The following FTO variants were observed in gnomAD, a reference collection of about 807,000 sequenced individuals.
FTO encodes the protein alpha-ketoglutarate-dependent dioxygenase FTO.
In FTO, 47 loss-of-function variants were observed where a neutral mutation model predicts 63.9. That is an observed-to-expected ratio of 0.74 (90% CI 0.58 to 0.94). FTO has a LOEUF of 0.94. Ranked by LOEUF, FTO falls within the 40% of genes least tolerant of loss-of-function variation. The pLI, the probability that FTO is intolerant of heterozygous loss-of-function variation, is 0.00. For synonymous variants in FTO, 207 were observed against 224.4 expected (o/e 0.92, Z 0.69); for missense variants, 562 against 618.1 (o/e 0.91, Z 0.96).
chr16:53,876,124 A>T (rs1019109466), intron 5 of FTO, among the ~76,000 whole-genome samples: 3 of 152,244 alleles, frequency 2.0e-5, no homozygotes, highest in African/African-American at 7.2e-5. Flanking sequence ...AATTAAAAAA[A>T]ATACCTAAAG....
intron 8 of FTO, among the ~76,000 whole-genome samples, chr16:54,002,738 G>T (rs949873299): frequency 6.6e-6 from 1 of 152,208 alleles, no homozygotes; most frequent in African/African-American, 2.4e-5. Context: ...AGAAACTTGT[G>T]TCTACAAAAG....
intron 8 of FTO, chr16:53,937,261 C>G (rs1368844795): frequency 5.0e-6 from 2 of 398,488 alleles, no homozygotes; most frequent in African/African-American, 2.1e-5. Flanking sequence ...TTGAATGATC[C>G]AAAGGACATC....
intron 8 of FTO, among the ~76,000 whole-genome samples, chr16:54,000,440 A>T (rs2084040610): frequency 6.6e-6 from 1 of 152,200 alleles, no homozygotes; most frequent in South Asian, 2.1e-4. Context: ...GCTAATGGTG[A>T]TTCCTAGGAC....
chr16:54,008,923 G>T (rs535688314), intron 8 of FTO, among the ~76,000 whole-genome samples: 5 of 151,862 alleles, frequency 3.3e-5, no homozygotes, highest in South Asian at 4.2e-4. Context: ...GAGGTAGGAG[G>T]TTTGTTTGGT....
intron 8 of FTO, among the ~76,000 whole-genome samples, chr16:54,082,257 C>T (rs1599336375): frequency 6.6e-6 from 1 of 152,166 alleles, no homozygotes; most frequent in East Asian, 1.9e-4. Flanking sequence ...AAGCAGACCA[C>T]CAGATGTTTC....
rs567371023 is a variant in FTO at position 53,766,454 on chromosome 16, C to T, written c.46-43686C>T. On this transcript the variant is annotated intron_variant, in intron 1 of 8. Coordinates refer to ENST00000471389, the MANE Select transcript of FTO (RefSeq NM_001080432.3). Reference sequence around the variant, plus strand: ...CCCAGGCTGGTCTCCAACTCCTGGGCTCAAGTGATTTACCCATTTCAGTGC... The same window carrying T: ...CCCAGGCTGGTCTCCAACTCCTGGGTTCAAGTGATTTACCCATTTCAGTGC... 2.0e-5 allele frequency among the ~76,000 whole-genome samples: 3 copies of T among 152,270 alleles called. No individual in the cohort carries two copies. The South Asian group carries it at 6.2e-4, about 32-fold the overall frequency.
intron 7 of FTO, among the ~76,000 whole-genome samples, chr16:53,908,276 A>T (rs1395576197): frequency 6.6e-6 from 1 of 152,228 alleles, no homozygotes; most frequent in Non-Finnish European, 1.5e-5. Context: ...CAACCATTGC[A>T]TGCAAACTCG....
At position 53,758,894 on chromosome 16, in the gene FTO, A is replaced by G. The variant is rs565850459; in HGVS notation, c.46-51246A>G. 7.8e-5 allele frequency among the ~76,000 whole-genome samples: 11 copies of G among 141,066 alleles called. No individual in the cohort carries two copies. The South Asian group carries it at 1.8e-3, about 23-fold the overall frequency. 92.5% of individuals were successfully genotyped at this position (141,066 alleles called of 152,430 possible). ...GATAATGTATTGTTATACATTTTTA[A>G]AAATCTTATACATTTAAAAAAAAGT... On this transcript the variant is annotated intron_variant, in intron 1 of 8. Transcript: ENST00000471389.
chr16:53,713,341 T>G (rs577730643), intron 1 of FTO, among the ~76,000 whole-genome samples: 1 of 152,326 alleles, frequency 6.6e-6, no homozygotes, highest in South Asian at 2.1e-4. Flanking sequence ...GTTTTCTTGC[T>G]AAAGTTATAT....
At chr16:53,880,134 A>G (rs1185579502) in intron 6 of FTO, 147 bp downstream of exon 6, 1 of 640,078 alleles carries the variant, frequency 1.6e-6, no homozygotes, top group Non-Finnish European at 2.7e-6. Flanking sequence ...AGGTGGGACT[A>G]CAGGTGCATG....
chr16:54,106,200 T>G (rs2086746007), intron 8 of FTO, among the ~76,000 whole-genome samples: 1 of 152,080 alleles, frequency 6.6e-6, no homozygotes, highest in Non-Finnish European at 1.5e-5. Context: ...ATCTTCTAAA[T>G]GTAAGTGCAG....
At chr16:54,060,966 C>T (rs2085555918) in intron 8 of FTO, among the ~76,000 whole-genome samples, 1 of 152,192 alleles carries the variant, frequency 6.6e-6, no homozygotes, top group South Asian at 2.1e-4. Context: ...ATTTTCATCT[C>T]TTGTTGAAGC....
chr16:53,853,770 G>A (rs899644422), intron 4 of FTO, among the ~76,000 whole-genome samples: 1 of 152,098 alleles, frequency 6.6e-6, no homozygotes, highest in African/African-American at 2.4e-5. Flanking sequence ...ATTGTGAAAT[G>A]TGCTGCAATA....
intron 5 of FTO, among the ~76,000 whole-genome samples, chr16:53,876,638 T>C (rs1297345100): frequency 2.6e-5 from 4 of 152,178 alleles, no homozygotes; most frequent in Non-Finnish European, 4.4e-5. Flanking sequence ...CGAATTAACA[T>C]GTCACAGGCT....
chr16:53,978,282 C>G (rs1302755848), intron 8 of FTO, among the ~76,000 whole-genome samples: 3 of 152,174 alleles, frequency 2.0e-5, no homozygotes, highest in African/African-American at 7.2e-5. Context: ...GACCTATTTG[C>G]ACCCCCTAGT....
At chr16:53,921,698 G>A (rs1389578324) in intron 7 of FTO, among the ~76,000 whole-genome samples, 1 of 152,106 alleles carries the variant, frequency 6.6e-6, no homozygotes, top group Non-Finnish European at 1.5e-5. Context: ...AAATGTACAG[G>A]TATGTCCATG....
chr16:53,956,556 T>C (rs2082934628), intron 8 of FTO: 1 of 152,020 alleles, frequency 6.6e-6, no homozygotes, highest in Admixed American at 6.5e-5. Context: ...TGAAGACTAT[T>C]GCAATTAGAA....
chr16:53,979,396 TCAAGAGAGAA>T (rs2083493215), intron 8 of FTO: 2 of 398,472 alleles, frequency 5.0e-6, no homozygotes, highest in African/African-American at 4.1e-5. Context: ...TACAGATTCA[TCAAGAGAGAA>T]TGCCTCTCCC....
chr16:54,048,604 G>T (rs1411975444), intron 8 of FTO, among the ~76,000 whole-genome samples: 11 of 152,144 alleles, frequency 7.2e-5, no homozygotes, highest in Non-Finnish European at 1.6e-4. Context: ...ATTGTTTTGG[G>T]TGAATGTTTT....
Sources: allele counts gnomAD v4.1 joint callset (sites outside exome capture counted in the v4.1 genomes callset), GRCh38; gene constraint gnomAD v4.1.1; transcripts MANE v1.5; gene names NCBI Gene and HGNC (gene_info 2026-07-23, HGNC 2026-07-21).